ANLN: variants seen among roughly 807,000 people sequenced by gnomAD.
ANLN encodes the protein anillin.
A neutral mutation model predicts 135.1 loss-of-function variants in ANLN; 59 were observed. The observed-to-expected ratio is 0.44, with a 90% CI of 0.35 to 0.54. The LOEUF is 0.54. ANLN is among the 20% of genes least tolerant of loss of function. ANLN has a pLI of 0.00. For synonymous variants in ANLN, 406 were observed against 456.4 expected, an observed-to-expected ratio of 0.89 and a Z score of 1.41; for missense variants, 1,182 against 1,340.0, an observed-to-expected ratio of 0.88 and a Z score of 1.84.
chr7:36,420,447 C>T (rs1787829093), intron 11 of ANLN, 133 bp downstream of exon 11: 3 of 1,300,638 alleles, frequency 2.3e-6, no homozygotes, highest in African/African-American at 1.5e-5. Flanking sequence ...TTTTGTTAGC[C>T]TCTCTTTCAC....
intron 9 of ANLN, among the ~76,000 whole-genome samples, chr7:36,417,433 C>T (rs901503118): frequency 1.3e-5 from 2 of 152,122 alleles, no homozygotes; most frequent in African/African-American, 2.4e-5. Context: ...CTCCCACGCT[C>T]TGTACTGGTA....
At chr7:36,405,029 G>C (rs1373664993) in intron 3 of ANLN, among the ~76,000 whole-genome samples, 2 of 152,110 alleles carry the variant, frequency 1.3e-5, no homozygotes, top group Admixed American at 1.3e-4. Context: ...GCTACTGTAT[G>C]GTCATATACC....
intron 22 of ANLN, among the ~76,000 whole-genome samples, chr7:36,446,150 T>C (rs892340100): frequency 2.0e-5 from 3 of 152,232 alleles, no homozygotes; most frequent in Non-Finnish European, 2.9e-5. Context: ...GCACAGACTT[T>C]TCTAATGTTA....
chr7:36,390,524 A>G (rs1460475032), intron 1 of ANLN: 1 of 162,804 alleles, frequency 6.1e-6, no homozygotes, highest in Non-Finnish European at 1.3e-5. Context: ...AATGACAGCA[A>G]AACGTTAAAA....
At chr7:36,430,752 G>A (rs1004258283) in intron 20 of ANLN, among the ~76,000 whole-genome samples, 14 of 152,060 alleles carry the variant, frequency 9.2e-5, no homozygotes, top group Admixed American at 7.9e-4. Flanking sequence ...TATTAATGGT[G>A]CCCCTTTCAC....
chr7:36,430,723 C>T (rs1226326221), intron 20 of ANLN, among the ~76,000 whole-genome samples: 6 of 152,126 alleles, frequency 3.9e-5, no homozygotes, highest in African/African-American at 1.4e-4. Context: ...CCAGTTTATA[C>T]CTGTTGGCCT....
At chr7:36,408,597 G>A (rs189140708) in intron 5 of ANLN, among the ~76,000 whole-genome samples, 306 of 152,186 alleles carry the variant, frequency 2.0e-3, no homozygotes, top group Non-Finnish European at 3.5e-3. Flanking sequence ...TTCTTCTCTT[G>A]TAGCTATTTT....
At chr7:36,430,283 G>A (rs750359726) in intron 20 of ANLN, among the ~76,000 whole-genome samples, 1 of 152,152 alleles carries the variant, frequency 6.6e-6, no homozygotes, top group Non-Finnish European at 1.5e-5. Flanking sequence ...AATCACAGAG[G>A]TTATCTGTGA....
At chr7:36,393,467 G>A (rs1786566599) in intron 1 of ANLN, among the ~76,000 whole-genome samples, 1 of 152,220 alleles carries the variant, frequency 6.6e-6, no homozygotes, top group Admixed American at 6.5e-5. Context: ...TAAAGGGTTA[G>A]CCAGGTATAC....
At chr7:36,446,367 C>T (rs1788998711) in intron 22 of ANLN, among the ~76,000 whole-genome samples, 1 of 152,002 alleles carries the variant, frequency 6.6e-6, no homozygotes, top group South Asian at 2.1e-4. Context: ...TGTTCTTTCC[C>T]CACTGTGTTA....
intron 20 of ANLN, among the ~76,000 whole-genome samples, chr7:36,428,717 T>G (rs968647997): frequency 3.6e-4 from 54 of 152,074 alleles, no homozygotes; most frequent in African/African-American, 1.3e-3. Flanking sequence ...CTAAAAATTA[T>G]TCAATATTTT....
intron 21 of ANLN, among the ~76,000 whole-genome samples, chr7:36,439,965 G>A (rs903223335): frequency 6.6e-6 from 1 of 152,184 alleles, no homozygotes; most frequent in African/African-American, 2.4e-5. Context: ...TATCCAACTT[G>A]GGATTGAGAA....
chr7:36,437,158 C>A (rs952839983), intron 20 of ANLN, among the ~76,000 whole-genome samples: 1 of 152,186 alleles, frequency 6.6e-6, no homozygotes, highest in African/African-American at 2.4e-5. Flanking sequence ...CTCCTCCCCA[C>A]TCCCTGGCAG....
At chr7:36,439,128 T>C in intron 20 of ANLN, 76 bp from the exon 21 acceptor site, 1 of 877,070 alleles carries the variant, frequency 1.1e-6, no homozygotes, top group Non-Finnish European at 1.9e-6. Context: ...TCTCTGTTCA[T>C]GATTTATACA....
intron 20 of ANLN, among the ~76,000 whole-genome samples, chr7:36,434,457 G>A (rs2052195): frequency 0.15 from 22,388 of 152,214 alleles, 1,717 homozygotes; most frequent in Admixed American, 0.19. Flanking sequence ...AACCATTGAA[G>A]GCTCAACTGG....
chr7:36,422,494 C>T, intron 13 of ANLN, 139 bp from the exon 14 acceptor site: 2 of 724,652 alleles, frequency 2.8e-6, no homozygotes, highest in South Asian at 2.4e-5. Flanking sequence ...CAACCACCTA[C>T]CATGTTTTAT....
chr7:36,441,132 A>G (rs1352060934), intron 21 of ANLN, among the ~76,000 whole-genome samples: 1 of 152,124 alleles, frequency 6.6e-6, no homozygotes, highest in South Asian at 2.1e-4. Context: ...GTATTTGCCT[A>G]ATGACCTTTT....
At chr7:36,422,851 C>A in intron 14 of ANLN, 42 bp downstream of exon 14, 3 of 1,533,556 alleles carry the variant, frequency 2.0e-6, no homozygotes, top group Non-Finnish European at 2.6e-6. Context: ...AAATTATGAA[C>A]CTCACCTAGA....
At chr7:36,442,816 G>A (rs537061182) in intron 21 of ANLN, among the ~76,000 whole-genome samples, 2 of 152,010 alleles carry the variant, frequency 1.3e-5, no homozygotes, top group Admixed American at 6.6e-5. Context: ...ATTTTTAGTA[G>A]AGATGGGATT....
Sources: gnomAD v4.1 joint callset for allele counts (sites outside exome capture counted in the v4.1 genomes callset) on GRCh38, gnomAD v4.1.1 for gene constraint, MANE v1.5 for transcripts, NCBI Gene and HGNC (gene_info 2026-07-23, HGNC 2026-07-21) for gene names.